KHDRBS2: variants seen among roughly 807,000 people sequenced by gnomAD.
KHDRBS2 encodes KH domain-containing, RNA-binding, signal transduction-associated protein 2.
In KHDRBS2, 26 loss-of-function variants were observed where a neutral mutation model predicts 44.3. That is an observed-to-expected ratio of 0.59 (90% confidence interval 0.43 to 0.81). The LOEUF is 0.81. Among genes scored for constraint, KHDRBS2 ranks in the 40% least tolerant of loss-of-function variants. KHDRBS2 has a pLI of 0.00. For synonymous variants in KHDRBS2, 194 were observed against 151.1 expected (o/e 1.28, Z -2.08); for missense variants, 476 against 433.1 (o/e 1.10, Z -0.88).
the KHDRBS2 span, among the ~76,000 whole-genome samples, chr6:61,627,688 A>G: frequency 1.3e-5 from 2 of 152,180 alleles, no homozygotes; most frequent in African/African-American, 4.8e-5. Flanking sequence ...TTGATGTGCC[A>G]AGTGGTTGAT....
rs1767901392 is a variant in KHDRBS2, at chr6:61,696,332, T to G, written c.952+863A>C. Among the ~76,000 whole-genome samples, 2 of 152,082 alleles carry G rather than the reference T, an allele frequency of 1.3e-5. 1 individual carries two copies. Among genetic ancestry groups the G allele is most frequent in the South Asian group, 4.1e-4 (2 of 4,826 alleles). ...GTGCGGTGGCACGATCTCGGCTCAC[T>G]GCAACCTCCAACTCCCTGGTTCAAG... On this transcript the variant is annotated intron_variant, in intron 8 of 8. Coordinates refer to ENST00000281156, the MANE Select transcript of KHDRBS2 (RefSeq NM_152688.4).
intron 1 of KHDRBS2, among the ~76,000 whole-genome samples, chr6:62,247,095 C>A (rs1208028889): frequency 1.3e-5 from 2 of 151,924 alleles, no homozygotes; most frequent in African/African-American, 2.4e-5. Context: ...AATAGTAACT[C>A]TTTGGTCTCA....
At chr6:62,214,295 T>G (rs1031338077) in intron 1 of KHDRBS2, among the ~76,000 whole-genome samples, 1 of 152,166 alleles carries the variant, frequency 6.6e-6, no homozygotes, top group African/African-American at 2.4e-5. Context: ...ATATATCAAA[T>G]TAGAACAGCC....
At chr6:61,764,124 G>A (rs1010474813) in intron 6 of KHDRBS2, among the ~76,000 whole-genome samples, 2 of 152,070 alleles carry the variant, frequency 1.3e-5, no homozygotes, top group African/African-American at 2.4e-5. Flanking sequence ...GAAGACAATG[G>A]CTTCCAGCTC....
chr6:62,118,561 A>C (rs1388246124), intron 2 of KHDRBS2, among the ~76,000 whole-genome samples: 2 of 152,148 alleles, frequency 1.3e-5, no homozygotes, highest in African/African-American at 4.8e-5. Flanking sequence ...TGAAGGATAC[A>C]AAATATTGTT....
chr6:62,136,059 C>CAA (rs1259600118), intron 2 of KHDRBS2, among the ~76,000 whole-genome samples: 17 of 94,788 alleles, frequency 1.8e-4, no homozygotes, highest in African/African-American at 4.6e-4. Context: ...ATTCTCACCA[C>CAA]AAAAAAAAAA....
chr6:62,213,674 ACCAT>A (rs1563074593), intron 1 of KHDRBS2, among the ~76,000 whole-genome samples: 1 of 151,838 alleles, frequency 6.6e-6, no homozygotes. Flanking sequence ...GGAGATCAAG[ACCAT>A]CCTGGCTAAC....
intron 6 of KHDRBS2, among the ~76,000 whole-genome samples, chr6:61,774,007 C>A (rs1197297064): frequency 6.6e-6 from 1 of 152,178 alleles, no homozygotes; most frequent in Non-Finnish European, 1.5e-5. Context: ...ATCTATATAT[C>A]TGTTTTGGTA....
intron 2 of KHDRBS2, 58 bp downstream of exon 2, chr6:62,177,127 C>A (rs559014919): frequency 1.5e-5 from 15 of 1,000,724 alleles, no homozygotes; most frequent in Middle Eastern, 2.7e-4. Context: ...ATTAAAATAC[C>A]GTCTTCTTTT....
chr6:61,792,328 A>C (rs1784742682), intron 6 of KHDRBS2, among the ~76,000 whole-genome samples: 1 of 151,480 alleles, frequency 6.6e-6, no homozygotes, highest in Admixed American at 6.6e-5. Context: ...ATTTAATCAC[A>C]TATTAGTTTT....
the KHDRBS2 span, among the ~76,000 whole-genome samples, chr6:61,628,210 CTTT>C: frequency 4.9e-5 from 4 of 82,322 alleles, no homozygotes; most frequent in African/African-American, 1.7e-4. Flanking sequence ...CATGTGTAGC[CTTT>C]TTTTTTTTTT....
chr6:61,754,654 T>C (rs1393405117), intron 6 of KHDRBS2, among the ~76,000 whole-genome samples: 1 of 151,962 alleles, frequency 6.6e-6, no homozygotes, highest in African/African-American at 2.4e-5. Flanking sequence ...TCTTTATAAT[T>C]GATTATTGTA....
At chr6:61,856,438 A>C (rs1238193453) in intron 6 of KHDRBS2, among the ~76,000 whole-genome samples, 1 of 152,106 alleles carries the variant, frequency 6.6e-6, no homozygotes, top group African/African-American at 2.4e-5. Context: ...AGTCTGAAGA[A>C]ATTTCCCCAA....
At chr6:62,225,178 T>G (rs1048588644) in intron 1 of KHDRBS2, among the ~76,000 whole-genome samples, 1 of 152,188 alleles carries the variant, frequency 6.6e-6, no homozygotes, top group African/African-American at 2.4e-5. Flanking sequence ...GCTCAGCATG[T>G]CAATAGTACT....
intron 1 of KHDRBS2, among the ~76,000 whole-genome samples, chr6:62,189,429 A>G (rs1285619274): frequency 6.6e-6 from 1 of 152,050 alleles, no homozygotes; most frequent in Non-Finnish European, 1.5e-5. Flanking sequence ...AAATTCCTTA[A>G]CTATGGAAAC....
At chr6:61,869,987 T>TTTTTTTTTTTTTTTC (rs1554252174) in intron 6 of KHDRBS2, among the ~76,000 whole-genome samples, 1 of 149,334 alleles carries the variant, frequency 6.7e-6, no homozygotes, top group African/African-American at 2.5e-5. Context: ...TTTTTTTTTT[T>TTTTTTTTTTTTTTTC]CCCCATACTA....
intron 4 of KHDRBS2, among the ~76,000 whole-genome samples, chr6:61,967,998 T>C (rs1770499487): frequency 6.7e-6 from 1 of 148,394 alleles, no homozygotes; most frequent in Non-Finnish European, 1.5e-5. Flanking sequence ...ACTGAAAATA[T>C]ACCCCCTCTC....
chr6:61,567,661 A>AC, the KHDRBS2 span, among the ~76,000 whole-genome samples: 1 of 151,602 alleles, frequency 6.6e-6, no homozygotes, highest in Non-Finnish European at 1.5e-5. Flanking sequence ...AAACAAACAA[A>AC]AAAAAGGATT....
chr6:61,775,126 T>C (rs1005382516), intron 6 of KHDRBS2, among the ~76,000 whole-genome samples: 13 of 152,096 alleles, frequency 8.5e-5, no homozygotes, highest in Non-Finnish European at 1.6e-4. Flanking sequence ...AAATTAGGTA[T>C]GGATGGGATG....
Sources: allele counts gnomAD v4.1 joint callset (sites outside exome capture counted in the v4.1 genomes callset), GRCh38; gene constraint gnomAD v4.1.1; transcripts MANE v1.5; gene names NCBI Gene and HGNC (gene_info 2026-07-23, HGNC 2026-07-21).